SLAMF1: variants seen among roughly 807,000 people sequenced by gnomAD.
SLAMF1 encodes the protein signaling lymphocytic activation molecule family member 1.
SLAMF1 carries 18 observed loss-of-function variants against 35.1 expected under a neutral mutation model. That is an observed-to-expected ratio of 0.51 (90% CI 0.35 to 0.76). The LOEUF (loss-of-function observed/expected upper bound fraction) is 0.76, where lower values mean the gene tolerates loss of function less well. Among genes scored for constraint, SLAMF1 ranks in the 30% least tolerant of loss-of-function variants. The pLI is 0.01. For synonymous variants in SLAMF1, 168 were observed against 157.2 expected, an observed-to-expected ratio of 1.07 and a Z score of -0.51; for missense variants, 392 against 413.0, an observed-to-expected ratio of 0.95 and a Z score of 0.44.
At chr1:160,619,881 C>T (rs755511002) in intron 4 of SLAMF1, 32 bp from the exon 5 acceptor site, 4 of 1,438,962 alleles carry the variant, frequency 2.8e-6, no homozygotes, top group African/African-American at 2.8e-5. Flanking sequence ...GGTTATCTCC[C>T]TCTGGTCCCC....
At chr1:160,619,886 G>A in intron 4 of SLAMF1, 37 bp from the exon 5 acceptor site, 1 of 1,394,258 alleles carries the variant, frequency 7.2e-7, no homozygotes, top group Non-Finnish European at 1.0e-6. Flanking sequence ...TCTCCCTCTG[G>A]TCCCCAGCAG....
At chr1:160,620,138 A>G (rs551175888) in intron 4 of SLAMF1, among the ~76,000 whole-genome samples, 1 of 152,356 alleles carries the variant, frequency 6.6e-6, no homozygotes, top group East Asian at 1.9e-4. Context: ...CCTGGTGCAT[A>G]ACAAATGCCC....
At chr1:160,646,235 C>T (rs996551699) in intron 1 of SLAMF1, among the ~76,000 whole-genome samples, 17 of 152,214 alleles carry the variant, frequency 1.1e-4, no homozygotes, top group African/African-American at 3.9e-4. Flanking sequence ...TTCCCACATA[C>T]TGTAACCAGC....
At chr1:160,623,905 G>C (rs948217770) in intron 4 of SLAMF1, among the ~76,000 whole-genome samples, 191 bp downstream of exon 4, 2 of 152,092 alleles carry the variant, frequency 1.3e-5, no homozygotes, top group Non-Finnish European at 2.9e-5. Flanking sequence ...CCACAGCCTA[G>C]TAGAGGGGAT....
At position 160,610,614 on chromosome 1, in the gene SLAMF1, C is replaced by T. The variant is rs367992392; in HGVS notation, c.*134G>A. On this transcript the variant is annotated 3_prime_UTR_variant, in exon 7 of 7. Transcript: ENST00000302035. ...ACAGATGTATGTGGAAGAAACATCA[C>T]CAGGGAGTTGATCTGAGAAGGGTAC... 8 of 685,630 alleles carry T rather than the reference C, an allele frequency of 1.2e-5. No homozygotes were observed. The highest frequency in any genetic ancestry group is 1.0e-4 in the East Asian group (4 of 39,420). The allele number at this position is 685,630 out of a possible 1,614,324, so 42.5% of individuals were successfully genotyped here. A position where few individuals can be genotyped will look rare whatever the true frequency, so the allele number is the denominator to read the frequency against.
At chr1:160,631,705 AG>A (rs140153843) in intron 3 of SLAMF1, among the ~76,000 whole-genome samples, 2,280 of 152,274 alleles carry the variant, frequency 0.015, 46 homozygotes, top group African/African-American at 0.052. Flanking sequence ...GAGTACACGA[AG>A]GAAAGACCAG....
At chr1:160,617,758 G>A (rs576079948) in intron 5 of SLAMF1, among the ~76,000 whole-genome samples, 2 of 152,250 alleles carry the variant, frequency 1.3e-5, no homozygotes, top group South Asian at 2.1e-4. Context: ...GATCTGAGTG[G>A]TAGTTTTATG....
intron 3 of SLAMF1, among the ~76,000 whole-genome samples, chr1:160,627,606 T>A (rs1659947158): frequency 1.3e-5 from 2 of 152,194 alleles, no homozygotes; most frequent in Non-Finnish European, 2.9e-5. Context: ...TATATTTACA[T>A]GGAAATCAAA....
intron 1 of SLAMF1, among the ~76,000 whole-genome samples, chr1:160,645,783 C>T (rs1300241385): frequency 1.3e-5 from 2 of 152,180 alleles, no homozygotes; most frequent in Non-Finnish European, 2.9e-5. Flanking sequence ...GCTGAGCAAG[C>T]CCTGTTCGTC....
intron 5 of SLAMF1, among the ~76,000 whole-genome samples, chr1:160,617,531 G>T (rs1349856942): frequency 6.6e-6 from 1 of 152,020 alleles, no homozygotes; most frequent in Non-Finnish European, 1.5e-5. Context: ...AGACATATAT[G>T]AATCTCATAA....
intron 3 of SLAMF1, among the ~76,000 whole-genome samples, chr1:160,628,143 T>C (rs1471531947): frequency 6.6e-6 from 1 of 152,224 alleles, no homozygotes; most frequent in African/African-American, 2.4e-5. Flanking sequence ...TATGTCTTTA[T>C]TGGCAGGATG....
chr1:160,636,781 G>T (rs367898606), intron 2 of SLAMF1, among the ~76,000 whole-genome samples: 1 of 152,184 alleles, frequency 6.6e-6, no homozygotes, highest in Non-Finnish European at 1.5e-5. Flanking sequence ...TGTGCTAACC[G>T]CTTCTGGTTA....
At chr1:160,627,270 T>A (rs1659932795) in intron 3 of SLAMF1, among the ~76,000 whole-genome samples, 1 of 152,180 alleles carries the variant, frequency 6.6e-6, no homozygotes, top group African/African-American at 2.4e-5. Context: ...CTGGAATCCA[T>A]CATGTGGTCA....
intron 2 of SLAMF1, 56 bp from the exon 3 acceptor site, chr1:160,634,953 A>C (rs1014818431): frequency 2.6e-4 from 382 of 1,483,736 alleles, no homozygotes; most frequent in Non-Finnish European, 3.2e-4. Flanking sequence ...GGGAATTCTC[A>C]CTTGACCTTT....
intron 1 of SLAMF1, among the ~76,000 whole-genome samples, chr1:160,640,054 T>A (rs1237017097): frequency 6.6e-6 from 1 of 152,144 alleles, no homozygotes; most frequent in Non-Finnish European, 1.5e-5. Context: ...CCTCTGACCA[T>A]CTATCTAAAA....
At chr1:160,635,765 G>T (rs1341348512) in intron 2 of SLAMF1, among the ~76,000 whole-genome samples, 1 of 149,108 alleles carries the variant, frequency 6.7e-6, no homozygotes, top group Non-Finnish European at 1.5e-5. Context: ...ATTTTTAGTA[G>T]AGATGGGGTT....
At chr1:160,629,143 G>C (rs1360990841) in intron 3 of SLAMF1, among the ~76,000 whole-genome samples, 2 of 152,098 alleles carry the variant, frequency 1.3e-5, no homozygotes, top group Non-Finnish European at 2.9e-5. Flanking sequence ...CATGCCATTT[G>C]GGAAGAGTGC....
intron 4 of SLAMF1, among the ~76,000 whole-genome samples, chr1:160,620,663 G>A (rs1043248614): frequency 6.6e-6 from 1 of 151,962 alleles, no homozygotes; most frequent in Non-Finnish European, 1.5e-5. Context: ...AAAAGAAACC[G>A]TATTTTTCAA....
At chr1:160,635,240 T>C (rs115600221) in intron 2 of SLAMF1, among the ~76,000 whole-genome samples, 147 of 152,384 alleles carry the variant, frequency 9.6e-4, no homozygotes, top group African/African-American at 3.4e-3. Flanking sequence ...CCATGGTTTT[T>C]AGTTGGCTTA....
Sources: gnomAD v4.1 joint callset for allele counts (sites outside exome capture counted in the v4.1 genomes callset) on GRCh38, gnomAD v4.1.1 for gene constraint, MANE v1.5 for transcripts, NCBI Gene and HGNC (gene_info 2026-07-23, HGNC 2026-07-21) for gene names.